B3GALT1: variants seen among roughly 807,000 people sequenced by gnomAD.
The protein encoded by B3GALT1 is beta-1,3-galactosyltransferase 1, also known as UDP-Gal:betaGlcNAc beta 1,3-galactosyltransferase, polypeptide 1.
In B3GALT1, 10 loss-of-function variants were observed where a neutral mutation model predicts 23.2. That is an observed-to-expected ratio of 0.43 (90% CI 0.27 to 0.73). The LOEUF (loss-of-function observed/expected upper bound fraction) is 0.73, where lower values mean the gene tolerates loss of function less well. Among genes scored for constraint, B3GALT1 ranks in the 30% least tolerant of loss-of-function variants. The probability of loss-of-function intolerance (pLI) is 0.21; values close to 1 mark genes in which losing one functional copy is unlikely to be tolerated. For missense variants in B3GALT1, 299 were observed against 405.4 expected (o/e 0.74, Z 2.25); for synonymous variants, 156 against 141.5 (o/e 1.10, Z -0.73).
intron 2 of B3GALT1, among the ~76,000 whole-genome samples, chr2:167,621,113 G>A (rs572855581): frequency 7.6e-6 from 1 of 131,950 alleles, no homozygotes; most frequent in South Asian, 2.3e-4. Flanking sequence ...TTTTGAGGCA[G>A]GGTCTAATGT....
chr2:167,818,971 C>T (rs1689052864), intron 4 of B3GALT1, among the ~76,000 whole-genome samples, 178 bp downstream of exon 4: 1 of 150,834 alleles, frequency 6.6e-6, no homozygotes, highest in South Asian at 2.1e-4. Flanking sequence ...GCAAAATATC[C>T]TTGCCATAAA....
At chr2:167,393,165 C>T (rs1021280168) in intron 1 of B3GALT1, among the ~76,000 whole-genome samples, 9 of 149,970 alleles carry the variant, frequency 6.0e-5, no homozygotes, top group African/African-American at 1.5e-4. Flanking sequence ...ACCCGGGAGG[C>T]GGAGCTTGCA....
chr2:167,435,679 C>T (rs143402680), intron 1 of B3GALT1, among the ~76,000 whole-genome samples: 336 of 152,056 alleles, frequency 2.2e-3, no homozygotes, highest in African/African-American at 7.2e-3. Flanking sequence ...GATACATAGA[C>T]GACTTTAAAA....
At chr2:167,314,538 C>T (rs1332002465) in intron 1 of B3GALT1, among the ~76,000 whole-genome samples, 1 of 152,098 alleles carries the variant, frequency 6.6e-6, no homozygotes, top group African/African-American at 2.4e-5. Flanking sequence ...AATCATACCA[C>T]GGATTTACTT....
intron 4 of B3GALT1, among the ~76,000 whole-genome samples, chr2:167,819,905 C>T (rs1167583146): frequency 1.3e-5 from 2 of 152,152 alleles, no homozygotes; most frequent in Non-Finnish European, 1.5e-5. Context: ...TTTCTCCCTC[C>T]GCTTACTGAC....
intron 4 of B3GALT1, among the ~76,000 whole-genome samples, chr2:167,860,735 C>T (rs1477926718): frequency 1.3e-5 from 2 of 152,118 alleles, no homozygotes; most frequent in Non-Finnish European, 2.9e-5. Context: ...TGCCTCAATC[C>T]CAGCTTGAGT....
intron 1 of B3GALT1, among the ~76,000 whole-genome samples, chr2:167,432,166 C>G (rs992687458): frequency 6.6e-6 from 1 of 152,072 alleles, no homozygotes; most frequent in African/African-American, 2.4e-5. Context: ...GGCGCCGGAT[C>G]TGGGGACTCA....
chr2:167,465,537 C>A lies in B3GALT1; in HGVS notation c.-510-24640C>A, dbSNP rs146929055. ...GAAAGGGCAGACAGGGCAAATAGCTCCCTTGCATCTTGTTAATAAGGTTAT... is the reference window on the plus strand; with the variant it reads ...GAAAGGGCAGACAGGGCAAATAGCTACCTTGCATCTTGTTAATAAGGTTAT... On this transcript the variant is annotated intron_variant, in intron 1 of 4. Coordinates refer to ENST00000392690, the MANE Select transcript of B3GALT1 (RefSeq NM_020981.4). Among the ~76,000 whole-genome samples, 37 of 152,228 alleles carry A rather than the reference C, an allele frequency of 2.4e-4. No homozygotes were observed. In the East Asian group the frequency reaches 6.8e-3, roughly 28 times the overall value.
chr2:167,792,245 T>A (rs1688450871), intron 3 of B3GALT1, among the ~76,000 whole-genome samples: 1 of 152,194 alleles, frequency 6.6e-6, no homozygotes, highest in Non-Finnish European at 1.5e-5. Flanking sequence ...ACCTTTGCCC[T>A]GTAGACATCT....
chr2:167,376,718 G>T (rs940628453), intron 1 of B3GALT1, among the ~76,000 whole-genome samples: 1 of 151,762 alleles, frequency 6.6e-6, no homozygotes, highest in Non-Finnish European at 1.5e-5. Flanking sequence ...GTGCCTATTT[G>T]GATCTTCTCT....
At chr2:167,859,639 T>C (rs1421088706) in intron 4 of B3GALT1, among the ~76,000 whole-genome samples, 1 of 152,180 alleles carries the variant, frequency 6.6e-6, no homozygotes, top group Non-Finnish European at 1.5e-5. Context: ...TCTTCCAGAT[T>C]TGGGAGGGAA....
intron 1 of B3GALT1, among the ~76,000 whole-genome samples, chr2:167,322,967 A>T (rs1401853197): frequency 2.0e-5 from 3 of 152,094 alleles, no homozygotes; most frequent in African/African-American, 7.2e-5. Flanking sequence ...CAGTCAGCTT[A>T]GAATTTATCA....
At chr2:167,538,854 C>T (rs1394573922) in intron 2 of B3GALT1, among the ~76,000 whole-genome samples, 5 of 151,816 alleles carry the variant, frequency 3.3e-5, no homozygotes, top group African/African-American at 1.2e-4. Flanking sequence ...AAAACTATGC[C>T]TGCTTCTAGA....
chr2:167,759,935 G>T (rs932438513), intron 3 of B3GALT1, among the ~76,000 whole-genome samples: 9 of 151,978 alleles, frequency 5.9e-5, no homozygotes, highest in Admixed American at 5.9e-4. Flanking sequence ...CCATTTTGAG[G>T]GTTTGTTTAC....
At chr2:167,857,024 A>G (rs1269285432) in intron 4 of B3GALT1, among the ~76,000 whole-genome samples, 3 of 152,280 alleles carry the variant, frequency 2.0e-5, no homozygotes, top group South Asian at 4.1e-4. Context: ...TTTTGAAACT[A>G]AGAGATATTT....
intron 3 of B3GALT1, chr2:167,715,049 T>A: frequency 6.2e-7 from 1 of 1,611,810 alleles, no homozygotes; most frequent in East Asian, 2.2e-5. Flanking sequence ...TTCAGATAAC[T>A]GAATAATAAT....
At chr2:167,855,316 A>G (rs1199494655) in intron 4 of B3GALT1, among the ~76,000 whole-genome samples, 4 of 152,180 alleles carry the variant, frequency 2.6e-5, no homozygotes, top group Admixed American at 2.0e-4. Context: ...TTACAGTTTG[A>G]TAGACTTGTA....
At chr2:167,739,184 G>A (rs1687537002) in intron 3 of B3GALT1, among the ~76,000 whole-genome samples, 1 of 152,178 alleles carries the variant, frequency 6.6e-6, no homozygotes, top group East Asian at 1.9e-4. Flanking sequence ...GTTGAATGGG[G>A]AGATTTTTAA....
intron 1 of B3GALT1, among the ~76,000 whole-genome samples, chr2:167,412,651 CA>C (rs1438868695): frequency 6.6e-6 from 1 of 152,078 alleles, no homozygotes; most frequent in African/African-American, 2.4e-5. Flanking sequence ...TAAGTTGGTA[CA>C]ACCACTTTGG....
Sources: allele counts gnomAD v4.1 joint callset (sites outside exome capture counted in the v4.1 genomes callset), GRCh38; gene constraint gnomAD v4.1.1; transcripts MANE v1.5; gene names NCBI Gene and HGNC (gene_info 2026-07-23, HGNC 2026-07-21).